UPB1: variants seen among roughly 807,000 people sequenced by gnomAD.
UPB1 encodes the protein beta-ureidopropionase.
UPB1 carries 40 observed loss-of-function variants against 49.1 expected under a neutral mutation model. The ratio of observed to expected loss-of-function variants is 0.81; its 90% CI spans 0.63 to 1.06. The LOEUF is 1.06. UPB1 is among the 50% of genes least tolerant of loss of function. UPB1 has a pLI of 0.00. For synonymous variants in UPB1, 207 were observed against 198.2 expected (o/e 1.04, Z -0.38); for missense variants, 499 against 505.9 (o/e 0.99, Z 0.13).
chr22:24,525,131 T>C lies in UPB1; in HGVS notation c.1072-580T>C, dbSNP rs115240218. On this transcript the variant is annotated intron_variant, in intron 9 of 9. Coordinates refer to ENST00000326010, the MANE Select transcript of UPB1 (RefSeq NM_016327.3). ...AAATGTTTTCTCATTAGACACTTCT[T>C]AGAAGCAGAAGCCTTCCCAACTTTG... Among the ~76,000 whole-genome samples, 268 of 152,194 alleles carry C rather than the reference T, an allele frequency of 1.8e-3. 1 individual carries two copies. The highest frequency in any genetic ancestry group is 6.0e-3 in the African/African-American group (250 of 41,514).
At chr22:24,505,486 G>T (rs1296848883) in intron 3 of UPB1, among the ~76,000 whole-genome samples, 1 of 152,102 alleles carries the variant, frequency 6.6e-6, no homozygotes, top group Non-Finnish European at 1.5e-5. Context: ...TTCTGCCCTT[G>T]TGCCAAGAAG....
At chr22:24,525,403 G>A (rs1248342592) in intron 9 of UPB1, among the ~76,000 whole-genome samples, 2 of 152,196 alleles carry the variant, frequency 1.3e-5, no homozygotes, top group African/African-American at 2.4e-5. Context: ...TCTCTGGGCT[G>A]TAGGATGCTC....
chr22:24,504,568 CT>C (rs879791295), intron 3 of UPB1, among the ~76,000 whole-genome samples: 1 of 152,102 alleles, frequency 6.6e-6, no homozygotes, highest in Non-Finnish European at 1.5e-5. Context: ...TCAGTGGGTT[CT>C]TTTAGTCTAG....
At position 24,519,861 on chromosome 22, in the gene UPB1, C is replaced by T. The variant is rs114739172; in HGVS notation, c.792-526C>T. 1,546 of 238,102 alleles carry T rather than the reference C, an allele frequency of 6.5e-3. 31 individuals are homozygous for T. Among genetic ancestry groups the T allele is most frequent in the African/African-American group, 0.033 (1,430 of 43,982 alleles). The allele number at this position is 238,102 out of a possible 1,614,324, so 14.7% of individuals were successfully genotyped here. A position where few individuals can be genotyped will look rare whatever the true frequency, so the allele number is the denominator to read the frequency against. ...AGCCTGTGCTCAGCCCTCACAGGCC[C>T]TGCACAAGCCCACCAGGCCCCCGGC... On this transcript the variant is annotated intron_variant, in intron 6 of 9. Transcript: ENST00000326010.
intron 7 of UPB1, among the ~76,000 whole-genome samples, chr22:24,521,599 G>GT (rs2044395096): frequency 6.6e-6 from 1 of 152,206 alleles, no homozygotes. Context: ...ACTGAAAGCA[G>GT]TGTGTGTACC....
At chr22:24,522,610 T>C (rs940295039) in intron 8 of UPB1, among the ~76,000 whole-genome samples, 2 of 151,764 alleles carry the variant, frequency 1.3e-5, no homozygotes, top group Non-Finnish European at 2.9e-5. Flanking sequence ...GCTTGGACAC[T>C]TGGAGGTAGC....
At chr22:24,518,928 C>G (rs758233670) in intron 6 of UPB1, among the ~76,000 whole-genome samples, 3 of 152,180 alleles carry the variant, frequency 2.0e-5, no homozygotes, top group Non-Finnish European at 4.4e-5. Context: ...CGTCATGATT[C>G]CTGCACACAC....
intron 3 of UPB1, 78 bp from the exon 4 acceptor site, chr22:24,510,671 T>A: frequency 6.8e-7 from 1 of 1,468,036 alleles, no homozygotes; most frequent in Admixed American, 1.7e-5. Context: ...TTGCAGTGAC[T>A]TCCCGCTGCT....
chr22:24,504,064 C>T (rs560777448), intron 3 of UPB1, among the ~76,000 whole-genome samples: 10 of 152,320 alleles, frequency 6.6e-5, no homozygotes, highest in African/African-American at 1.4e-4. Flanking sequence ...CCCCTGGTCA[C>T]GGGTTGGACA....
chr22:24,524,577 C>T (rs1440203111), intron 9 of UPB1, among the ~76,000 whole-genome samples: 2 of 152,194 alleles, frequency 1.3e-5, no homozygotes, highest in Non-Finnish European at 2.9e-5. Flanking sequence ...CCTTGACCTC[C>T]TGGGCTCAAG....
chr22:24,497,614 G>T (rs921326162), intron 1 of UPB1, among the ~76,000 whole-genome samples: 1 of 152,174 alleles, frequency 6.6e-6, no homozygotes, highest in Non-Finnish European at 1.5e-5. Flanking sequence ...GAGTGGGGAG[G>T]CCTCAGTAGC....
chr22:24,513,217 G>C (rs1233584483), intron 4 of UPB1, 107 bp from the exon 5 acceptor site: 1 of 1,528,268 alleles, frequency 6.5e-7, no homozygotes, highest in Non-Finnish European at 9.0e-7. Flanking sequence ...AATGCAAGTG[G>C]TTGCTCTGAC....
chr22:24,525,735 G>A lies in UPB1; in HGVS notation c.1096G>A (p.Ala366Thr), dbSNP rs777938006. 119 of 1,614,126 alleles carry A rather than the reference G, an allele frequency of 7.4e-5. 1 individual carries two copies. The highest frequency in any genetic ancestry group is 9.4e-5 in the Non-Finnish European group (111 of 1,180,012). Residue 366 changes from alanine to threonine, a missense_variant, in exon 10 of 10, where the codon GCA becomes ACA. Ala to Thr is a moderately conservative substitution (Grantham distance 58). Coordinates refer to ENST00000326010, the MANE Select transcript of UPB1 (RefSeq NM_016327.3). Reference protein sequence around the residue: ...FKMTGRYEMYARELAEAVKSN... With the variant: ...FKMTGRYEMYTRELAEAVKSN... ...GATGACGGGCAGGTATGAGATGTAC[G>A]CACGGGAGCTCGCCGAAGCTGTCAA... is the stretch of plus-strand genomic sequence containing the variant.
intron 6 of UPB1, 140 bp downstream of exon 6, chr22:24,515,510 G>A: frequency 8.7e-7 from 1 of 1,145,110 alleles, no homozygotes; most frequent in African/African-American, 1.5e-5. Flanking sequence ...AGGATTGCAT[G>A]TTGTACATGT....
chr22:24,516,605 G>A (rs1346303839), intron 6 of UPB1: 2 of 152,258 alleles, frequency 1.3e-5, no homozygotes, highest in Non-Finnish European at 1.5e-5. Flanking sequence ...ACAGGGGTGT[G>A]CCCTGTCCTG....
intron 4 of UPB1, among the ~76,000 whole-genome samples, chr22:24,511,799 G>A (rs576355896): frequency 2.6e-5 from 4 of 151,424 alleles, no homozygotes; most frequent in South Asian, 4.2e-4. Flanking sequence ...TGTATTTTTA[G>A]TAGAGACGGG....
chr22:24,521,166 A>G (rs2044382940), intron 7 of UPB1, among the ~76,000 whole-genome samples: 2 of 126,806 alleles, frequency 1.6e-5, no homozygotes, highest in East Asian at 2.5e-4. Context: ...TGGGTGACAG[A>G]GTGAGACTCT....
intron 4 of UPB1, among the ~76,000 whole-genome samples, chr22:24,511,231 G>T (rs1321826071): frequency 6.6e-6 from 1 of 152,092 alleles, no homozygotes; most frequent in Non-Finnish European, 1.5e-5. Flanking sequence ...TCGATGCATG[G>T]CCTGTGTCTC....
At chr22:24,496,372 A>ACACACAC (rs2043878085) in intron 1 of UPB1, among the ~76,000 whole-genome samples, 5 of 141,528 alleles carry the variant, frequency 3.5e-5, no homozygotes, top group African/African-American at 1.3e-4. Context: ...CCCTGTCTCA[A>ACACACAC]ACACACACAC....
Sources: gnomAD v4.1 joint callset for allele counts (sites outside exome capture counted in the v4.1 genomes callset) on GRCh38, gnomAD v4.1.1 for gene constraint, MANE v1.5 for transcripts, NCBI Gene and HGNC (gene_info 2026-07-23, HGNC 2026-07-21) for gene names.